The following SLC30A8 variants were observed in gnomAD, a reference collection of about 807,000 sequenced individuals.
The protein encoded by SLC30A8 is solute carrier family 30 member 8.
Under a neutral mutation model 36.9 loss-of-function variants are expected in SLC30A8, and 27 were observed. The ratio of observed to expected loss-of-function variants is 0.73; its 90% CI spans 0.54 to 1.01. The LOEUF is 1.01. Ranked by LOEUF, SLC30A8 falls within the 50% of genes least tolerant of loss-of-function variation. The pLI, the probability that SLC30A8 is intolerant of heterozygous loss-of-function variation, is 0.00. For missense variants in SLC30A8, 439 were observed against 452.0 expected, an observed-to-expected ratio of 0.97 and a Z score of 0.26; for synonymous variants, 164 against 172.4, an observed-to-expected ratio of 0.95 and a Z score of 0.38.
At chr8:117,091,745 T>C (rs1819137189) in intron 2 of SLC30A8, among the ~76,000 whole-genome samples, 1 of 152,208 alleles carries the variant, frequency 6.6e-6, no homozygotes, top group Admixed American at 6.5e-5. Flanking sequence ...ACAATATATA[T>C]GTGGCTTACC....
chr8:117,142,403 T>C (rs145741497), intron 1 of SLC30A8, among the ~76,000 whole-genome samples: 54 of 152,306 alleles, frequency 3.5e-4, no homozygotes, highest in African/African-American at 1.3e-3. Context: ...ATGTGAACCA[T>C]GTAATGTTAC....
intron 1 of SLC30A8, among the ~76,000 whole-genome samples, chr8:116,963,595 C>A (rs1814505392): frequency 6.6e-6 from 1 of 152,140 alleles, no homozygotes; most frequent in African/African-American, 2.4e-5. Flanking sequence ...TGCATCCTTT[C>A]TTTTTATGGC....
At chr8:117,052,039 C>T (rs912384949) in intron 2 of SLC30A8, among the ~76,000 whole-genome samples, 4 of 152,006 alleles carry the variant, frequency 2.6e-5, no homozygotes, top group Non-Finnish European at 4.4e-5. Flanking sequence ...AGACGGAGTT[C>T]CACTCTTGTC....
intron 2 of SLC30A8, among the ~76,000 whole-genome samples, chr8:117,060,059 G>C (rs909750069): frequency 6.6e-6 from 1 of 152,186 alleles, no homozygotes; most frequent in Non-Finnish European, 1.5e-5. Flanking sequence ...AATGGAAGCA[G>C]GGAAGTTAAG....
chr8:117,005,215 A>G (rs1816137737), intron 1 of SLC30A8, among the ~76,000 whole-genome samples: 2 of 152,054 alleles, frequency 1.3e-5, no homozygotes, highest in South Asian at 4.1e-4. Context: ...GCAACCACCA[A>G]TCTTTGCTGT....
At chr8:116,961,154 G>A (rs1421547040) in intron 1 of SLC30A8, among the ~76,000 whole-genome samples, 6 of 152,192 alleles carry the variant, frequency 3.9e-5, no homozygotes, top group Non-Finnish European at 8.8e-5. Context: ...TATGGGCCAG[G>A]CGCGGTGGCT....
At chr8:117,038,057 C>T (rs1037445931) in intron 1 of SLC30A8, among the ~76,000 whole-genome samples, 64 of 152,154 alleles carry the variant, frequency 4.2e-4, no homozygotes, top group African/African-American at 1.5e-3. Context: ...AATGGAAGAA[C>T]TAGACTGCCA....
intron 2 of SLC30A8, among the ~76,000 whole-genome samples, chr8:117,111,292 G>A (rs916302315): frequency 6.6e-6 from 1 of 152,112 alleles, no homozygotes; most frequent in South Asian, 2.1e-4. Flanking sequence ...TGTCAAAAGT[G>A]GTGTTCAGGT....
At chr8:117,025,569 C>G (rs1052785811) in intron 1 of SLC30A8, among the ~76,000 whole-genome samples, 9 of 152,188 alleles carry the variant, frequency 5.9e-5, no homozygotes, top group Non-Finnish European at 5.9e-5. Context: ...TCCCTCCAGA[C>G]AGCCAAAGGA....
intron 2 of SLC30A8, among the ~76,000 whole-genome samples, chr8:117,040,858 C>A (rs780576811): frequency 3.9e-5 from 6 of 152,138 alleles, no homozygotes; most frequent in Non-Finnish European, 8.8e-5. Context: ...AACCCCTATA[C>A]ATAGATCTCC....
chr8:117,085,145 A>T (rs922789781), intron 2 of SLC30A8, among the ~76,000 whole-genome samples: 1 of 152,170 alleles, frequency 6.6e-6, no homozygotes, highest in Non-Finnish European at 1.5e-5. Flanking sequence ...AGAAAAAACT[A>T]TAACTTCTAT....
In SLC30A8 at chr8:117,172,622, A is replaced by T. The variant is rs749874109; in HGVS notation, c.1051A>T (p.Met351Leu). Residue 351 changes from methionine (M) to leucine (L), a missense_variant, in exon 8 of 8, where the codon ATG becomes TTG. By Grantham distance (15) the Met-to-Leu change is conservative (BLOSUM62 2). Coordinates refer to ENST00000456015, the MANE Select transcript of SLC30A8 (RefSeq NM_173851.3). ...SFTMHSLTIQ[M>L]ESPVDQDPDC... Reference sequence around the variant, plus strand: ...TACGATGCACTCACTCACCATTCAGATGGAATCTCCAGTTGACCAGGACCC... The same window carrying T: ...TACGATGCACTCACTCACCATTCAGTTGGAATCTCCAGTTGACCAGGACCC... 7 of 1,613,716 alleles carry T rather than the reference A, an allele frequency of 4.3e-6. No individual in the cohort carries two copies. In the Admixed American group the frequency reaches 1.2e-4, roughly 27 times the overall value.
chr8:117,130,459 G>A (rs577362885), upstream of SLC30A8, among the ~76,000 whole-genome samples: 1 of 151,970 alleles, frequency 6.6e-6, no homozygotes, highest in East Asian at 1.9e-4. Context: ...TTCACTGAAG[G>A]AAAATAAACA....
intron 1 of SLC30A8, among the ~76,000 whole-genome samples, chr8:116,975,706 C>G (rs1814974614): frequency 1.3e-5 from 2 of 152,146 alleles, no homozygotes; most frequent in African/African-American, 4.8e-5. Context: ...CAGTTTTAAG[C>G]AGAGATGGAA....
chr8:117,046,947 A>C (rs1345285319), intron 2 of SLC30A8, among the ~76,000 whole-genome samples: 1 of 152,176 alleles, frequency 6.6e-6, no homozygotes, highest in Non-Finnish European at 1.5e-5. Context: ...GAAGAATTTG[A>C]TTGGCTCAGC....
intron 2 of SLC30A8, among the ~76,000 whole-genome samples, chr8:117,077,416 G>A (rs181707279): frequency 4.6e-5 from 7 of 152,266 alleles, no homozygotes; most frequent in Admixed American, 4.6e-4. Context: ...ATAAAACAAG[G>A]TACTTTTTCA....
In SLC30A8 at chr8:116,961,142, T is replaced by G. The variant is rs537124832; in HGVS notation, c.-266+10023T>G. 2.0e-5 allele frequency among the ~76,000 whole-genome samples: 3 copies of G among 152,248 alleles called. No homozygotes were observed. The South Asian group carries it at 6.2e-4, about 32-fold the overall frequency. On this transcript the variant is annotated intron_variant, in intron 1 of 10. Transcript: ENST00000427715. ...AATGGAGTGCCTTGTTTTAAAAAGA[T>G]TTATGGGCCAGGCGCGGTGGCTCAC...
intron 6 of SLC30A8, among the ~76,000 whole-genome samples, chr8:117,169,753 G>A (rs182247688): frequency 5.3e-5 from 8 of 152,090 alleles, no homozygotes; most frequent in Admixed American, 5.2e-4. Context: ...ATGGAGCAAG[G>A]GCAAGGGAGG....
intron 1 of SLC30A8, among the ~76,000 whole-genome samples, chr8:116,990,182 T>G (rs1815583712): frequency 6.6e-6 from 1 of 152,154 alleles, no homozygotes; most frequent in African/African-American, 2.4e-5. Context: ...AGAAAAGAAA[T>G]TTGGATTTTT....
Sources: gnomAD v4.1 joint callset for allele counts (sites outside exome capture counted in the v4.1 genomes callset) on GRCh38, gnomAD v4.1.1 for gene constraint, MANE v1.5 for transcripts, NCBI Gene and HGNC (gene_info 2026-07-23, HGNC 2026-07-21) for gene names.